Variants in SEMA5A observed in about 807,000 individuals in gnomAD.
SEMA5A encodes the protein semaphorin-5A.
A neutral mutation model predicts 135.5 loss-of-function variants in SEMA5A; 55 were observed. That is an observed-to-expected ratio of 0.41 (90% confidence interval 0.33 to 0.51). The LOEUF (loss-of-function observed/expected upper bound fraction) is 0.51. SEMA5A is among the 20% of genes least tolerant of loss of function. The pLI is 0.37. For missense variants in SEMA5A, 1,290 were observed against 1,419.9 expected (o/e 0.91, Z 1.47); for synonymous variants, 580 against 546.5 (o/e 1.06, Z -0.85).
chr5:9,358,981 G>C (rs1021757121), intron 3 of SEMA5A, among the ~76,000 whole-genome samples: 1 of 152,142 alleles, frequency 6.6e-6, no homozygotes, highest in Non-Finnish European at 1.5e-5. Context: ...AGGATGTGGG[G>C]CTATGGAAAA....
chr5:9,104,199 AT>A (rs1257590064), intron 16 of SEMA5A, among the ~76,000 whole-genome samples: 2 of 151,876 alleles, frequency 1.3e-5, no homozygotes, highest in African/African-American at 2.4e-5. Context: ...TCTCAGGCTG[AT>A]TTTTTTTCCA....
intron 4 of SEMA5A, among the ~76,000 whole-genome samples, chr5:9,335,762 C>T (rs1249399057): frequency 6.6e-6 from 1 of 152,114 alleles, no homozygotes; most frequent in African/African-American, 2.4e-5. Flanking sequence ...TAATCCCAAC[C>T]CCCTTTTCCC....
intron 16 of SEMA5A, among the ~76,000 whole-genome samples, chr5:9,097,689 G>A (rs975532761): frequency 2.6e-5 from 4 of 152,186 alleles, no homozygotes; most frequent in Admixed American, 2.6e-4. Context: ...GGGGTGGGGA[G>A]AGTGTTACTC....
intron 5 of SEMA5A, among the ~76,000 whole-genome samples, chr5:9,316,597 G>C (rs899629621): frequency 4.6e-5 from 7 of 151,986 alleles, no homozygotes; most frequent in Non-Finnish European, 7.4e-5. Flanking sequence ...ATATATTTTA[G>C]AAAAGGTTAT....
At chr5:9,406,900 T>C (rs1324283639) in intron 2 of SEMA5A, among the ~76,000 whole-genome samples, 1 of 152,294 alleles carries the variant, frequency 6.6e-6, no homozygotes, top group African/African-American at 2.4e-5. Context: ...ATTTGGAAAA[T>C]GGAAAATTAA....
chr5:9,105,188 C>T (rs753025834), intron 16 of SEMA5A, among the ~76,000 whole-genome samples: 13 of 152,152 alleles, frequency 8.5e-5, no homozygotes, highest in South Asian at 2.1e-4. Context: ...GAGCAATTTA[C>T]GAGTAGGGAT....
intron 5 of SEMA5A, among the ~76,000 whole-genome samples, chr5:9,305,708 G>GTC: frequency 7.2e-6 from 1 of 139,228 alleles, no homozygotes; most frequent in East Asian, 2.1e-4. Context: ...GTGTGTGTGC[G>GTC]TATATATATA....
chr5:9,346,975 G>T (rs945667656), intron 3 of SEMA5A, among the ~76,000 whole-genome samples: 2 of 151,368 alleles, frequency 1.3e-5, no homozygotes. Context: ...ACACTTAATA[G>T]ACTACAGTAG....
At chr5:9,138,811 G>T (rs1452155294) in intron 12 of SEMA5A, among the ~76,000 whole-genome samples, 1 of 152,166 alleles carries the variant, frequency 6.6e-6, no homozygotes, top group African/African-American at 2.4e-5. Flanking sequence ...TTATGCCTTT[G>T]CATCCTCATA....
intron 9 of SEMA5A, among the ~76,000 whole-genome samples, chr5:9,198,357 G>A (rs1460752561): frequency 6.6e-6 from 1 of 152,146 alleles, no homozygotes; most frequent in Non-Finnish European, 1.5e-5. Context: ...CAGGCACAAC[G>A]AGGACAAGAC....
chr5:9,154,093 A>ATATGTGTGTGTGTGTGTG (rs372321939), intron 12 of SEMA5A, among the ~76,000 whole-genome samples: 1 of 73,514 alleles, frequency 1.4e-5, no homozygotes, highest in Non-Finnish European at 2.4e-5. Context: ...ATATATATAT[A>ATATGTGTGTGTGTGTGTG]TGTGTGTGTG....
rs1735873186 is a variant in SEMA5A at position 9,039,986 on chromosome 5, A to C, written c.*2911T>G. ...GCCACTTTCAAAGAATTTAAATGTA[A>C]GACTAAAGCCAAGCCAGCTTCCTCA... On this transcript the variant is annotated 3_prime_UTR_variant, in exon 23 of 23. Transcript: ENST00000382496. 1 of 152,218 alleles carries C rather than the reference A, an allele frequency of 6.6e-6. No individual in the cohort carries two copies. The highest frequency in any genetic ancestry group is 1.5e-5 in the Non-Finnish European group (1 of 68,046). The allele number at this position is 152,218 out of a possible 1,614,324, so 9.4% of individuals were successfully genotyped here.
intron 1 of SEMA5A, among the ~76,000 whole-genome samples, chr5:9,514,280 C>T (rs1736383403): frequency 6.6e-6 from 1 of 152,210 alleles, no homozygotes; most frequent in Non-Finnish European, 1.5e-5. Flanking sequence ...AGAATAATCT[C>T]TCACCTCAAG....
chr5:9,047,052 AG>A (rs1736300009), intron 21 of SEMA5A, among the ~76,000 whole-genome samples: 1 of 152,202 alleles, frequency 6.6e-6, no homozygotes, highest in South Asian at 2.1e-4. Flanking sequence ...TAAAGTATCC[AG>A]GGGACATTTC....
intron 1 of SEMA5A, among the ~76,000 whole-genome samples, chr5:9,531,160 C>G (rs1737410794): frequency 6.6e-6 from 1 of 152,188 alleles, no homozygotes; most frequent in African/African-American, 2.4e-5. Flanking sequence ...ATATCAAGGT[C>G]TCTGCATCAA....
intron 11 of SEMA5A, among the ~76,000 whole-genome samples, chr5:9,189,342 T>C (rs40703): frequency 0.53 from 79,875 of 151,378 alleles, 21,245 homozygotes; most frequent in East Asian, 0.7. Context: ...CTTCCCAGTG[T>C]TTCAAATGAA....
chr5:9,483,703 C>A (rs902034892), intron 1 of SEMA5A, among the ~76,000 whole-genome samples: 1 of 152,078 alleles, frequency 6.6e-6, no homozygotes. Flanking sequence ...GCCAACCGAG[C>A]CTTTGATTTA....
chr5:9,390,337 G>C (rs1224839690), intron 2 of SEMA5A, among the ~76,000 whole-genome samples: 4 of 152,188 alleles, frequency 2.6e-5, no homozygotes, highest in Admixed American at 1.3e-4. Flanking sequence ...CCCTGAGGGG[G>C]TCAGATAAGT....
chr5:9,177,579 T>A (rs1744272981), intron 11 of SEMA5A, among the ~76,000 whole-genome samples: 1 of 152,228 alleles, frequency 6.6e-6, no homozygotes, highest in Non-Finnish European at 1.5e-5. Context: ...GACTTGTTCA[T>A]CTTTGTTCAC....
Sources: allele counts gnomAD v4.1 joint callset (sites outside exome capture counted in the v4.1 genomes callset), GRCh38; gene constraint gnomAD v4.1.1; transcripts MANE v1.5; gene names NCBI Gene and HGNC (gene_info 2026-07-23, HGNC 2026-07-21).